Variants in CACNA1C observed in about 807,000 individuals in gnomAD.
The protein encoded by CACNA1C is voltage-dependent L-type calcium channel subunit alpha-1C.
A neutral mutation model predicts 229.0 loss-of-function variants in CACNA1C; 30 were observed. The observed-to-expected ratio is 0.13, with a 90% CI of 0.10 to 0.18. The LOEUF (loss-of-function observed/expected upper bound fraction) is 0.18, where lower values mean the gene tolerates loss of function less well. Among genes scored for constraint, CACNA1C ranks in the 10% least tolerant of loss-of-function variants. The probability of loss-of-function intolerance (pLI) is 1.00; values close to 1 mark genes in which losing one functional copy is unlikely to be tolerated. For missense variants in CACNA1C, 1,658 were observed against 2,845.0 expected, an observed-to-expected ratio of 0.58 and a Z score of 9.49; for synonymous variants, 1,114 against 1,132.5, an observed-to-expected ratio of 0.98 and a Z score of 0.33.
In CACNA1C at chr12:2,664,871, C is replaced by T; in HGVS notation, c.4279C>T (p.Pro1427Ser). The T allele has an allele frequency of 6.2e-7, 1 of 1,611,654 alleles. No homozygotes were observed. The highest frequency in any genetic ancestry group is 8.5e-7 in the Non-Finnish European group (1 of 1,178,680). The change falls in exon 35 of 47, where the codon CCA (proline) becomes TCA (serine). Residue 1427 changes from proline (P) to serine (S), a missense_variant. Transcript: ENST00000399655. The part of the protein sequence containing the change: ...AWQDIMLACM[P>S]GKKCAPESEP... ...GCAGGACATCATGCTGGCCTGCATG[C>T]CAGGCAAGAAGTGTGCCCCAGAGTC...
In CACNA1C at chr12:2,605,014, A is replaced by G; in HGVS notation, c.2961-67A>G. On this transcript the variant is annotated intron_variant, in intron 22 of 46. Coordinates refer to ENST00000399655, the MANE Select transcript of CACNA1C (RefSeq NM_000719.7). The surrounding 1 kb of genome is among the most constrained non-coding windows in gnomAD (Gnocchi z 6.2). ...GATTCACCTGTCAGGACATTCCCTT[A>G]CCACATTATTTTTGCTCCCCCCAGA... 1 of 1,160,902 alleles carries G rather than the reference A, an allele frequency of 8.6e-7. No individual in the cohort carries two copies. Among genetic ancestry groups the G allele is most frequent in the South Asian group, 1.2e-5 (1 of 81,292 alleles). 71.9% of individuals were successfully genotyped at this position (1,160,902 alleles called of 1,614,324 possible). A position where few individuals can be genotyped will look rare whatever the true frequency, so the allele number is the denominator to read the frequency against.
intron 16 of CACNA1C, among the ~76,000 whole-genome samples, chr12:2,584,932 A>G (rs2153230592): frequency 6.6e-6 from 1 of 152,300 alleles, no homozygotes; most frequent in South Asian, 2.1e-4. Context: ...CAGTTGGGAA[A>G]CGCAGCTCCA....
At chr12:2,596,697 G>A (rs899719658) in intron 20 of CACNA1C, among the ~76,000 whole-genome samples, 13 of 152,150 alleles carry the variant, frequency 8.5e-5, no homozygotes, top group Middle Eastern at 3.4e-3. Context: ...TCCTGGAGCC[G>A]GTCCTCAGCC....
intron 3 of CACNA1C, among the ~76,000 whole-genome samples, chr12:2,327,986 TTTAA>T (rs1482091015): frequency 7.9e-5 from 12 of 152,334 alleles, no homozygotes; most frequent in African/African-American, 2.9e-4. Flanking sequence ...GATGAGATCA[TTTAA>T]TTACTCTGTA....
chr12:2,155,341 A>G (rs928488156), intron 3 of CACNA1C, among the ~76,000 whole-genome samples: 1 of 152,192 alleles, frequency 6.6e-6, no homozygotes, highest in African/African-American at 2.4e-5. Context: ...ACTGCAACCC[A>G]GAGAGCTTTG....
At chr12:2,294,573 C>T (rs115495777) in intron 3 of CACNA1C, among the ~76,000 whole-genome samples, 351 of 151,980 alleles carry the variant, frequency 2.3e-3, no homozygotes, top group African/African-American at 4.8e-3. Context: ...TCCTCTTGTG[C>T]GTGCTGTCGG....
chr12:2,517,559 G>C (rs898051881), intron 9 of CACNA1C, among the ~76,000 whole-genome samples: 10 of 152,244 alleles, frequency 6.6e-5, no homozygotes, highest in African/African-American at 2.4e-4. Context: ...CCTGGATGTG[G>C]CTTCCTAAGT....
chr12:2,006,147 TG>T (rs1565903350), intron 1 of CACNA1C, among the ~76,000 whole-genome samples: 2 of 151,882 alleles, frequency 1.3e-5, no homozygotes, highest in Admixed American at 1.3e-4. Flanking sequence ...CGGTGGCTCC[TG>T]CCTGTAATCC....
At chr12:2,128,239 C>G (rs1031828880) in intron 3 of CACNA1C, among the ~76,000 whole-genome samples, 1 of 152,072 alleles carries the variant, frequency 6.6e-6, no homozygotes, top group African/African-American at 2.4e-5. Flanking sequence ...TTGCTCTGTT[C>G]CCTGGGATGT....
intron 18 of CACNA1C, 143 bp downstream of exon 18, chr12:2,586,047 T>C (rs931946862): frequency 3.8e-6 from 2 of 531,976 alleles, no homozygotes; most frequent in Non-Finnish European, 6.7e-6. Flanking sequence ...GTGTCTTCTA[T>C]CTCTATATTT....
At position 2,549,825 on chromosome 12, in the gene CACNA1C, C is replaced by T; in HGVS notation, c.1391-118C>T. The T allele has an allele frequency of 4.1e-6, 3 of 726,432 alleles. No homozygotes were observed. The South Asian group carries it at 4.6e-5, about 11-fold the overall frequency. The allele number at this position is 726,432 out of a possible 1,614,324, so 45.0% of individuals were successfully genotyped here. On this transcript the variant is annotated intron_variant, in intron 9 of 46. Coordinates refer to ENST00000399655, the MANE Select transcript of CACNA1C (RefSeq NM_000719.7). ...AGATCAGCCAGCCAGCGTGCTCAGC[C>T]TCTCTTTCTGCCAACCCGCACTGGG...
At chr12:2,662,858 G>A (rs1359962086) in intron 34 of CACNA1C, among the ~76,000 whole-genome samples, 4 of 152,056 alleles carry the variant, frequency 2.6e-5, no homozygotes, top group African/African-American at 4.8e-5. Context: ...TACAACTTAC[G>A]GCAGAAGAAA....
intron 29 of CACNA1C, among the ~76,000 whole-genome samples, chr12:2,627,919 G>A (rs548978369): frequency 1.1e-3 from 162 of 152,328 alleles, no homozygotes; most frequent in African/African-American, 3.8e-3. Flanking sequence ...TTCCCCACAG[G>A]GCCGGGGAAC....
intron 3 of CACNA1C, among the ~76,000 whole-genome samples, chr12:2,333,050 G>A (rs2096594782): frequency 6.6e-6 from 1 of 152,194 alleles, no homozygotes; most frequent in African/African-American, 2.4e-5. Flanking sequence ...CCTTGGACAT[G>A]TTCCAGTCCC....
intron 3 of CACNA1C, among the ~76,000 whole-genome samples, chr12:2,434,760 T>C (rs747929808): frequency 9.9e-5 from 15 of 152,194 alleles, no homozygotes; most frequent in Non-Finnish European, 2.2e-4. Context: ...GAAGGCCACG[T>C]TTGATAGTCC....
chr12:2,170,918 G>T (rs559502528), intron 3 of CACNA1C, among the ~76,000 whole-genome samples: 2 of 152,346 alleles, frequency 1.3e-5, no homozygotes, highest in South Asian at 4.1e-4. Context: ...TGCTGCTTGG[G>T]AGGGTATGTG....
intron 32 of CACNA1C, among the ~76,000 whole-genome samples, chr12:2,652,718 C>T (rs1172383749): frequency 6.6e-6 from 1 of 152,240 alleles, no homozygotes; most frequent in Non-Finnish European, 1.5e-5. Flanking sequence ...GAGGGAGCTC[C>T]CAATGGCCAG....
chr12:2,482,213 C>G (rs1321430089), intron 5 of CACNA1C, among the ~76,000 whole-genome samples: 4 of 152,354 alleles, frequency 2.6e-5, no homozygotes, highest in Admixed American at 6.5e-5. Flanking sequence ...CCTGGACCAG[C>G]CTTGGAAACA....
At chr12:2,005,351 C>G (rs1269953720) in intron 1 of CACNA1C, among the ~76,000 whole-genome samples, 1 of 152,118 alleles carries the variant, frequency 6.6e-6, no homozygotes, top group African/African-American at 2.4e-5. Context: ...TACTTCTGTG[C>G]TTGAGTTGTA....
Sources: gnomAD v4.1 joint callset for allele counts (sites outside exome capture counted in the v4.1 genomes callset) on GRCh38, gnomAD v4.1.1 for gene constraint, Gnocchi (gnomAD v3.1) non-coding constraint, MANE v1.5 for transcripts, NCBI Gene and HGNC (gene_info 2026-07-23, HGNC 2026-07-21) for gene names.